The following LRRTM4 variants were observed in gnomAD, a reference collection of about 807,000 sequenced individuals.
The protein encoded by LRRTM4 is leucine-rich repeat transmembrane neuronal protein 4.
LRRTM4 carries 25 observed loss-of-function variants against 47.6 expected under a neutral mutation model. The ratio of observed to expected loss-of-function variants is 0.53; its 90% CI spans 0.38 to 0.73. LRRTM4 has a LOEUF of 0.73. Among genes scored for constraint, LRRTM4 ranks in the 30% least tolerant of loss-of-function variants. The probability of loss-of-function intolerance (pLI) is 0.00; values close to 1 mark genes in which losing one functional copy is unlikely to be tolerated. For missense variants in LRRTM4, 638 were observed against 713.4 expected, an observed-to-expected ratio of 0.89 and a Z score of 1.20; for synonymous variants, 311 against 269.5, an observed-to-expected ratio of 1.15 and a Z score of -1.51.
At chr2:77,005,991 G>A (rs542367661) in intron 3 of LRRTM4, among the ~76,000 whole-genome samples, 18 of 152,250 alleles carry the variant, frequency 1.2e-4, no homozygotes, top group African/African-American at 4.1e-4. Flanking sequence ...TAATCACATA[G>A]CAAATAGAAG....
intron 3 of LRRTM4, among the ~76,000 whole-genome samples, chr2:76,781,788 G>C (rs953257945): frequency 6.6e-6 from 1 of 152,050 alleles, no homozygotes; most frequent in South Asian, 2.1e-4. Flanking sequence ...AATTTCCTTT[G>C]TGGCATTTCT....
chr2:77,347,938 A>G (rs1243608021), intron 3 of LRRTM4, among the ~76,000 whole-genome samples: 1 of 151,994 alleles, frequency 6.6e-6, no homozygotes. Context: ...ACCGTGTCAT[A>G]TTACATAATT....
At chr2:76,849,187 G>T (rs1162650892) in intron 3 of LRRTM4, among the ~76,000 whole-genome samples, 1 of 152,054 alleles carries the variant, frequency 6.6e-6, no homozygotes, top group African/African-American at 2.4e-5. Flanking sequence ...TGTGGGGGGT[G>T]ACAGTGCAGA....
At chr2:77,151,117 ATGTGTG>A (rs144817565) in intron 3 of LRRTM4, among the ~76,000 whole-genome samples, 2 of 147,728 alleles carry the variant, frequency 1.4e-5, no homozygotes, top group East Asian at 4.0e-4. Context: ...ACGTCCGTGT[ATGTGTG>A]TGTGTGTGTG....
intron 3 of LRRTM4, among the ~76,000 whole-genome samples, chr2:77,035,363 T>C (rs1678799349): frequency 1.3e-5 from 2 of 151,870 alleles, no homozygotes; most frequent in Admixed American, 6.6e-5. Flanking sequence ...GATAACATTA[T>C]AACCTGGCTA....
At chr2:77,367,512 A>G (rs1285120524) in intron 3 of LRRTM4, among the ~76,000 whole-genome samples, 1 of 151,800 alleles carries the variant, frequency 6.6e-6, no homozygotes, top group Non-Finnish European at 1.5e-5. Context: ...CTATTATTCC[A>G]TCTGCTGTTT....
In LRRTM4 at chr2:76,795,957, C is replaced by T. The variant is rs544578631; in HGVS notation, c.1552-47041G>A. The stretch of plus-strand genomic sequence containing the variant: ...CAGTGGGCGCAGGTCAGTGGGTGCG[C>T]GCACCATGTGCGAGCCGAAGCAGGG... On this transcript the variant is annotated intron_variant, in intron 3 of 3. Coordinates refer to ENST00000409884, the MANE Select transcript of LRRTM4 (RefSeq NM_001134745.3). Among the ~76,000 whole-genome samples the T allele has an allele frequency of 5.1e-3, 765 of 150,488 alleles. 8 individuals are homozygous for T. The highest frequency in any genetic ancestry group is 0.018 in the African/African-American group (721 of 40,772).
At chr2:77,097,969 G>A (rs543639820) in intron 3 of LRRTM4, among the ~76,000 whole-genome samples, 49 of 151,680 alleles carry the variant, frequency 3.2e-4, no homozygotes, top group African/African-American at 1.0e-3. Flanking sequence ...AAAATGATAA[G>A]GAAAATAAGG....
intron 3 of LRRTM4, among the ~76,000 whole-genome samples, chr2:77,215,906 A>C (rs2103933754): frequency 6.6e-6 from 1 of 152,298 alleles, no homozygotes; most frequent in East Asian, 1.9e-4. Context: ...TTCTTTTTAG[A>C]ATCATTATTG....
At chr2:77,038,483 C>T (rs549327082) in intron 3 of LRRTM4, among the ~76,000 whole-genome samples, 1 of 151,540 alleles carries the variant, frequency 6.6e-6, no homozygotes, top group African/African-American at 2.4e-5. Context: ...TGTTCAGAGT[C>T]TATGAAGTAA....
At chr2:77,276,281 T>C (rs766198191) in intron 3 of LRRTM4, among the ~76,000 whole-genome samples, 103 of 142,098 alleles carry the variant, frequency 7.2e-4, no homozygotes, top group South Asian at 3.1e-3. Flanking sequence ...TGTAAAAACA[T>C]ACGCTATTTT....
chr2:76,938,897 T>C (rs2103855584), intron 3 of LRRTM4, among the ~76,000 whole-genome samples: 1 of 152,234 alleles, frequency 6.6e-6, no homozygotes, highest in African/African-American at 2.4e-5. Context: ...GTTCTGTATA[T>C]ATAGTGGTAA....
intron 3 of LRRTM4, among the ~76,000 whole-genome samples, chr2:76,780,661 T>C (rs1018502468): frequency 6.6e-6 from 1 of 152,170 alleles, no homozygotes; most frequent in Admixed American, 6.6e-5. Context: ...TACATTCTTC[T>C]AAATTTTTTT....
intron 3 of LRRTM4, among the ~76,000 whole-genome samples, chr2:77,441,168 C>T (rs915420176): frequency 6.6e-6 from 1 of 152,110 alleles, no homozygotes; most frequent in African/African-American, 2.4e-5. Context: ...TTTCTTCAAA[C>T]TAAATTCTTA....
At chr2:77,214,699 CT>C (rs200502274) in intron 3 of LRRTM4, among the ~76,000 whole-genome samples, 146 of 145,400 alleles carry the variant, frequency 1.0e-3, no homozygotes, top group Middle Eastern at 3.6e-3. Flanking sequence ...TTATATAAAT[CT>C]TTTTTTTTTT....
At chr2:77,104,646 C>T (rs1671043947) in intron 3 of LRRTM4, among the ~76,000 whole-genome samples, 2 of 152,076 alleles carry the variant, frequency 1.3e-5, no homozygotes, top group South Asian at 2.1e-4. Context: ...GCACAAGATC[C>T]GACAGACCTG....
intron 3 of LRRTM4, among the ~76,000 whole-genome samples, chr2:77,019,789 A>T (rs991604795): frequency 1.3e-5 from 2 of 152,126 alleles, no homozygotes; most frequent in African/African-American, 4.8e-5. Context: ...ATTTTTATCA[A>T]AAGTGAGGCT....
At chr2:77,238,488 A>G (rs1238966536) in intron 3 of LRRTM4, among the ~76,000 whole-genome samples, 6 of 152,102 alleles carry the variant, frequency 3.9e-5, no homozygotes, top group Non-Finnish European at 7.4e-5. Flanking sequence ...TGAGGATTAG[A>G]AAAACAGAGA....
intron 3 of LRRTM4, among the ~76,000 whole-genome samples, chr2:76,929,614 T>A (rs1357852311): frequency 1.3e-5 from 2 of 152,036 alleles, no homozygotes; most frequent in Non-Finnish European, 2.9e-5. Flanking sequence ...TTAGAAAAAG[T>A]GAGAGAGTAG....
Sources: gnomAD v4.1 joint callset for allele counts (sites outside exome capture counted in the v4.1 genomes callset) on GRCh38, gnomAD v4.1.1 for gene constraint, MANE v1.5 for transcripts, NCBI Gene and HGNC (gene_info 2026-07-23, HGNC 2026-07-21) for gene names.